PPP4R1: variants seen among roughly 807,000 people sequenced by gnomAD.
The protein encoded by PPP4R1 is protein phosphatase 4 regulatory subunit 1.
A neutral mutation model predicts 111.2 loss-of-function variants in PPP4R1; 42 were observed. The observed-to-expected ratio is 0.38, with a 90% CI of 0.29 to 0.49. The LOEUF (loss-of-function observed/expected upper bound fraction) is 0.49. Among genes scored for constraint, PPP4R1 ranks in the 20% least tolerant of loss-of-function variants. The probability of loss-of-function intolerance (pLI) is 0.97; values close to 1 mark genes in which losing one functional copy is unlikely to be tolerated. For synonymous variants in PPP4R1, 409 were observed against 405.5 expected (o/e 1.01, Z -0.10); for missense variants, 1,012 against 1,161.6 (o/e 0.87, Z 1.87).
At chr18:9,603,586 C>G (rs1006163966) in intron 2 of PPP4R1, among the ~76,000 whole-genome samples, 1 of 152,160 alleles carries the variant, frequency 6.6e-6, no homozygotes, top group Non-Finnish European at 1.5e-5. Context: ...CAGGATCACA[C>G]AGTCCTCCCA....
intron 2 of PPP4R1, among the ~76,000 whole-genome samples, chr18:9,604,601 C>T (rs1199424585): frequency 6.6e-6 from 1 of 152,086 alleles, no homozygotes; most frequent in African/African-American, 2.4e-5. Flanking sequence ...TTAAATTTAC[C>T]TATTACTAAC....
upstream of PPP4R1, chr18:9,614,662 C>A (rs1402002119): frequency 6.7e-6 from 1 of 149,474 alleles, no homozygotes; most frequent in Non-Finnish European, 1.4e-5. This position sits in a 1 kb window ranked among gnomAD's most constrained non-coding sequence, Gnocchi z 4.1. Context: ...CGGCGCGGCT[C>A]CCGGCCGCCC....
chr18:9,562,980 C>T (rs1451599787), intron 12 of PPP4R1: 6 of 997,902 alleles, frequency 6.0e-6, no homozygotes, highest in Non-Finnish European at 6.0e-6. Context: ...CCTCAAGTCC[C>T]GATCTTCTGC....
At chr18:9,602,577 T>C (rs2067407178) in intron 2 of PPP4R1, among the ~76,000 whole-genome samples, 1 of 149,276 alleles carries the variant, frequency 6.7e-6, no homozygotes, top group Non-Finnish European at 1.5e-5. Context: ...ACCTTTCCTT[T>C]AGCCATGCGC....
intron 18 of PPP4R1, chr18:9,549,698 G>C: frequency 2.2e-6 from 1 of 462,568 alleles, no homozygotes. Context: ...AATATGCAGT[G>C]AGGAACAGTG....
At chr18:9,576,760 A>C (rs1055791528) in intron 10 of PPP4R1, among the ~76,000 whole-genome samples, 2 of 152,212 alleles carry the variant, frequency 1.3e-5, no homozygotes, top group Admixed American at 1.3e-4. Context: ...TTGACTAAAT[A>C]ATGTACTAAA....
chr18:9,605,566 CAAAAAAAAAAAAA>C (rs34208690), intron 2 of PPP4R1, among the ~76,000 whole-genome samples: 55 of 67,636 alleles, frequency 8.1e-4, no homozygotes, highest in African/African-American at 1.8e-3. Flanking sequence ...GCAGTCCTGT[CAAAAAAAAAAAAA>C]AAAAAAAAAA....
At chr18:9,562,167 C>A in intron 12 of PPP4R1, 92 bp from the exon 13 acceptor site, 1 of 905,982 alleles carries the variant, frequency 1.1e-6, no homozygotes, top group South Asian at 1.5e-5. Flanking sequence ...TCAAGACTGC[C>A]AAAAGTAATA....
intron 13 of PPP4R1, among the ~76,000 whole-genome samples, chr18:9,560,756 G>T (rs549195444): frequency 6.6e-6 from 1 of 152,210 alleles, no homozygotes; most frequent in South Asian, 2.1e-4. Context: ...TACTTGGGGG[G>T]CTGAGGCAGA....
At chr18:9,580,117 G>A (rs2067002338) in intron 9 of PPP4R1, among the ~76,000 whole-genome samples, 1 of 152,122 alleles carries the variant, frequency 6.6e-6, no homozygotes, top group South Asian at 2.1e-4. Flanking sequence ...TAAGAGTCTT[G>A]CCCTCTATGT....
At chr18:9,561,378 A>C (rs930832827) in intron 13 of PPP4R1, among the ~76,000 whole-genome samples, 2 of 152,070 alleles carry the variant, frequency 1.3e-5, no homozygotes, top group African/African-American at 4.8e-5. Context: ...TACGATGGAG[A>C]CCACGGGTGT....
intron 10 of PPP4R1, among the ~76,000 whole-genome samples, chr18:9,574,714 T>A (rs2066911625): frequency 6.6e-6 from 1 of 152,078 alleles, no homozygotes; most frequent in African/African-American, 2.4e-5. Context: ...GCCAAAAGGA[T>A]AGGATTAAAA....
At chr18:9,612,599 T>C (rs1009938840) in intron 2 of PPP4R1, 4 of 152,238 alleles carry the variant, frequency 2.6e-5, no homozygotes, top group Non-Finnish European at 5.9e-5. Context: ...TCATAAATAC[T>C]TGCTGAATAA....
intron 10 of PPP4R1, among the ~76,000 whole-genome samples, chr18:9,572,937 T>TA (rs1157934862): frequency 6.6e-6 from 1 of 152,232 alleles, no homozygotes; most frequent in Non-Finnish European, 1.5e-5. Context: ...TTAACGTTCT[T>TA]ACTCTCGCAC....
At chr18:9,556,804 G>C (rs2066594206) in intron 15 of PPP4R1, among the ~76,000 whole-genome samples, 1 of 152,150 alleles carries the variant, frequency 6.6e-6, no homozygotes, top group African/African-American at 2.4e-5. Context: ...CAACCAGATT[G>C]AAAATACAGT....
chr18:9,551,160 T>C (rs1392994789), intron 16 of PPP4R1: 1 of 152,154 alleles, frequency 6.6e-6, no homozygotes, highest in African/African-American at 2.4e-5. Flanking sequence ...ATAGGACCAG[T>C]TTCTGCTTAG....
chr18:9,555,859 A>G lies in PPP4R1; in HGVS notation c.2190+1362T>C, dbSNP rs544771847. ...GGGACAATCAGAAAAATTTTAGGCC[A>G]GGCATGGTGGCTCACGCCTGTAATC... On this transcript the variant is annotated intron_variant, in intron 15 of 19. Transcript: ENST00000400556. 6.7e-3 allele frequency among the ~76,000 whole-genome samples: 1,026 copies of G among 152,220 alleles called. 7 individuals carry two copies. Among genetic ancestry groups the G allele is most frequent in the South Asian group, 0.014 (68 of 4,814 alleles).
At chr18:9,585,960 T>G (rs1381796047) in intron 6 of PPP4R1, among the ~76,000 whole-genome samples, 1 of 152,112 alleles carries the variant, frequency 6.6e-6, no homozygotes, top group Non-Finnish European at 1.5e-5. Flanking sequence ...ACTATCCCCA[T>G]GAAAATCCCA....
intron 14 of PPP4R1, among the ~76,000 whole-genome samples, chr18:9,558,749 G>A (rs372264453): frequency 1.3e-4 from 20 of 150,106 alleles, no homozygotes; most frequent in Non-Finnish European, 2.7e-4. Context: ...TGAAGGAACA[G>A]GTGTGTTCAA....
Sources: gnomAD v4.1 joint callset for allele counts (sites outside exome capture counted in the v4.1 genomes callset) on GRCh38, gnomAD v4.1.1 for gene constraint, Gnocchi (gnomAD v3.1) non-coding constraint, MANE v1.5 for transcripts, NCBI Gene and HGNC (gene_info 2026-07-23, HGNC 2026-07-21) for gene names.